Variants in MAMDC2 observed in about 807,000 individuals in gnomAD.
MAMDC2 encodes MAM domain containing 2.
In MAMDC2, 57 loss-of-function variants were observed where a neutral mutation model predicts 89.8. The ratio of observed to expected loss-of-function variants is 0.63; its 90% CI spans 0.51 to 0.79. MAMDC2 has a LOEUF of 0.79. Ranked by LOEUF, MAMDC2 falls within the 30% of genes least tolerant of loss-of-function variation. The probability of loss-of-function intolerance (pLI) is 0.00; values close to 1 mark genes in which losing one functional copy is unlikely to be tolerated. For missense variants in MAMDC2, 800 were observed against 820.6 expected (o/e 0.97, Z 0.31); for synonymous variants, 313 against 293.4 (o/e 1.07, Z -0.68).
chr9:70,083,694 C>CT (rs1379208864), intron 2 of MAMDC2: 7 of 102,272 alleles, frequency 6.8e-5, no homozygotes, highest in African/African-American at 1.5e-4. Flanking sequence ...TCCTTTCTTT[C>CT]TTTCTTTTTT....
chr9:70,147,889 C>CA (rs1268057460), intron 9 of MAMDC2: 1 of 150,396 alleles, frequency 6.6e-6, no homozygotes, highest in Non-Finnish European at 1.5e-5. Flanking sequence ...CCACACATTT[C>CA]CAAATGGCCC....
chr9:70,170,604 C>T lies in MAMDC2; in HGVS notation c.1624C>T (p.Pro542Ser). 6.2e-7 allele frequency: 1 copy of T among 1,609,874 alleles called. No individual in the cohort carries two copies. The highest frequency in any genetic ancestry group is 8.5e-7 in the Non-Finnish European group (1 of 1,178,342). Residue 542 changes from proline to serine, a missense_variant, in exon 11 of 14, where the codon CCA becomes TCA. By Grantham distance (74) the Pro-to-Ser change is moderately conservative. Coordinates refer to ENST00000377182, the MANE Select transcript of MAMDC2 (RefSeq NM_153267.5). Reference protein sequence around the residue: ...RGETPTSYTGPKGDHTTGVGY... With the variant: ...RGETPTSYTGSKGDHTTGVGY... ...AGAAACTCCCACTTCCTACACAGGA[C>T]CAAAGGGAGATCACACTACTGGGGT...
chr9:70,112,967 A>T, intron 4 of MAMDC2, 28 bp from the exon 5 acceptor site: 1 of 1,613,814 alleles, frequency 6.2e-7, no homozygotes. Flanking sequence ...CTGTGTCTCC[A>T]TGAAGTGTTT....
At chr9:70,167,194 T>A (rs1329079473) in intron 9 of MAMDC2, among the ~76,000 whole-genome samples, 1 of 152,214 alleles carries the variant, frequency 6.6e-6, no homozygotes, top group Non-Finnish European at 1.5e-5. Flanking sequence ...TTATACATTG[T>A]GACAAGTCCA....
intron 11 of MAMDC2, among the ~76,000 whole-genome samples, chr9:70,192,638 CATCTT>C (rs1473756418): frequency 2.6e-5 from 4 of 152,070 alleles, no homozygotes; most frequent in Non-Finnish European, 5.9e-5. Context: ...TATAAGTCCT[CATCTT>C]GAGTAATAAA....
intron 9 of MAMDC2, among the ~76,000 whole-genome samples, chr9:70,161,882 G>A (rs1459326319): frequency 2.6e-5 from 4 of 152,176 alleles, no homozygotes; most frequent in Non-Finnish European, 5.9e-5. Context: ...CTGTGCAAAT[G>A]ATTTCAAAAG....
chr9:70,186,583 T>C (rs2032758807), intron 11 of MAMDC2, among the ~76,000 whole-genome samples: 1 of 152,230 alleles, frequency 6.6e-6, no homozygotes, highest in African/African-American at 2.4e-5. Flanking sequence ...TCTGGGTGCA[T>C]TTAATATTTT....
intron 5 of MAMDC2, 133 bp downstream of exon 5, chr9:70,113,265 G>A: frequency 2.0e-6 from 2 of 979,262 alleles, no homozygotes; most frequent in South Asian, 1.7e-5. Flanking sequence ...TAGGAACTAA[G>A]TAGGAACCAG....
chr9:70,222,303 T>A (rs1448412499), intron 12 of MAMDC2, among the ~76,000 whole-genome samples: 1 of 152,164 alleles, frequency 6.6e-6, no homozygotes, highest in African/African-American at 2.4e-5. Flanking sequence ...TGGGGGGACA[T>A]GTTAAGTTTT....
At chr9:70,177,072 CAG>C (rs937466620) in intron 11 of MAMDC2, among the ~76,000 whole-genome samples, 1 of 152,172 alleles carries the variant, frequency 6.6e-6, no homozygotes, top group African/African-American at 2.4e-5. Flanking sequence ...ATTTCACAGA[CAG>C]AAGATTTGTT....
chr9:70,138,848 C>A (rs950680406), intron 7 of MAMDC2, among the ~76,000 whole-genome samples: 9 of 152,184 alleles, frequency 5.9e-5, no homozygotes, highest in African/African-American at 1.4e-4. Flanking sequence ...ACAATTTAAA[C>A]TGAGTGATGA....
At chr9:70,044,462 C>G (rs1238045716) in intron 1 of MAMDC2, 122 bp from the exon 2 acceptor site, 14 of 886,054 alleles carry the variant, frequency 1.6e-5, no homozygotes, top group Non-Finnish European at 2.5e-5. Context: ...TACTGCATCC[C>G]TCTCCCGCCC....
chr9:70,210,014 T>A (rs150702846), intron 11 of MAMDC2, among the ~76,000 whole-genome samples: 1 of 152,346 alleles, frequency 6.6e-6, no homozygotes, highest in East Asian at 1.9e-4. Context: ...TTGTTATAAT[T>A]TCTGTTCTTT....
chr9:70,125,752 C>T (rs2030505038), intron 5 of MAMDC2, among the ~76,000 whole-genome samples: 1 of 152,184 alleles, frequency 6.6e-6, no homozygotes, highest in South Asian at 2.1e-4. Context: ...TCTTTGTGTG[C>T]TCTTCAGAGT....
At chr9:70,111,714 C>T (rs1021561592) in intron 4 of MAMDC2, among the ~76,000 whole-genome samples, 1 of 152,136 alleles carries the variant, frequency 6.6e-6, no homozygotes, top group African/African-American at 2.4e-5. Context: ...GCTGACTACA[C>T]CAGTCAAGAT....
At chr9:70,125,726 T>C (rs1004499202) in intron 5 of MAMDC2, among the ~76,000 whole-genome samples, 1 of 152,204 alleles carries the variant, frequency 6.6e-6, no homozygotes, top group African/African-American at 2.4e-5. Flanking sequence ...CTTTTAAGAA[T>C]AGATGGTAAG....
chr9:70,090,097 C>G (rs1374884714), intron 2 of MAMDC2, among the ~76,000 whole-genome samples: 1 of 149,148 alleles, frequency 6.7e-6, no homozygotes, highest in Non-Finnish European at 1.5e-5. Flanking sequence ...GCCCAACAAC[C>G]CAATTAAAAA....
intron 2 of MAMDC2, among the ~76,000 whole-genome samples, chr9:70,075,001 G>A (rs1360849942): frequency 6.6e-6 from 1 of 152,176 alleles, no homozygotes; most frequent in Non-Finnish European, 1.5e-5. Flanking sequence ...TGTTACCATG[G>A]AAGATGGGGA....
intron 2 of MAMDC2, among the ~76,000 whole-genome samples, chr9:70,051,242 G>T (rs1293709982): frequency 2.0e-5 from 3 of 152,160 alleles, no homozygotes; most frequent in Non-Finnish European, 4.4e-5. Flanking sequence ...TGTCTGGGCA[G>T]CCTCCTCCTT....
Sources: allele counts gnomAD v4.1 joint callset (sites outside exome capture counted in the v4.1 genomes callset), GRCh38; gene constraint gnomAD v4.1.1; transcripts MANE v1.5; gene names NCBI Gene and HGNC (gene_info 2026-07-23, HGNC 2026-07-21).